USP20: variants seen among roughly 807,000 people sequenced by gnomAD.
USP20 encodes the protein ubiquitin specific peptidase 20, also known as ubiquitin carboxyl-terminal hydrolase 20.
In USP20, 80 loss-of-function variants were observed where a neutral mutation model predicts 124.2. The ratio of observed to expected loss-of-function variants is 0.64; its 90% CI spans 0.54 to 0.78. The LOEUF (loss-of-function observed/expected upper bound fraction) is 0.78, where lower values mean the gene tolerates loss of function less well. Among genes scored for constraint, USP20 ranks in the 30% least tolerant of loss-of-function variants. The pLI, the probability that USP20 is intolerant of heterozygous loss-of-function variation, is 0.00. For missense variants in USP20, 1,043 were observed against 1,244.4 expected (o/e 0.84, Z 2.44); for synonymous variants, 481 against 512.3 (o/e 0.94, Z 0.83).
chr9:129,845,454 A>G (rs1450075129), intron 1 of USP20, among the ~76,000 whole-genome samples: 1 of 152,160 alleles, frequency 6.6e-6, no homozygotes, highest in Non-Finnish European at 1.5e-5. Flanking sequence ...CAGGCAAAAG[A>G]AAAAGAAAGA....
In USP20 at chr9:129,861,007, C is replaced by G; in HGVS notation, c.401C>G (p.Ser134Ter). The change falls in exon 7 of 26, where the codon TCA becomes TGA. Residue 134 changes from serine (S) to a stop codon, truncating the protein, a stop_gained. Coordinates refer to ENST00000372429, the MANE Select transcript of USP20 (RefSeq NM_001110303.4). LOFTEE classifies it high-confidence loss of function. ...GTGGCTGATGAAGGAGAGTCTGAGT[C>G]AGAGGACGATGACCTGAAACCTCGA... ...IAVADEGESE[S>*]EDDDLKPRGL... The G allele has an allele frequency of 6.2e-7, 1 of 1,612,784 alleles. No homozygotes were observed. The highest frequency in any genetic ancestry group is 1.3e-5 in the African/African-American group (1 of 75,030).
intron 1 of USP20, among the ~76,000 whole-genome samples, chr9:129,842,734 C>T (rs558774270): frequency 2.6e-5 from 4 of 151,928 alleles, no homozygotes; most frequent in Non-Finnish European, 5.9e-5. Flanking sequence ...GCTGGGCTTA[C>T]AGGCATGTGC....
chr9:129,855,286 C>T (rs2033152237), intron 3 of USP20, among the ~76,000 whole-genome samples: 1 of 152,056 alleles, frequency 6.6e-6, no homozygotes, highest in Non-Finnish European at 1.5e-5. Flanking sequence ...AAAAAATTAG[C>T]CGGGCGAGGT....
Position 129,866,002 on chromosome 9 carries a change from T to C in USP20, c.690+621T>C, listed in dbSNP as rs189917336. Among the ~76,000 whole-genome samples, 172 of 152,336 alleles carry C rather than the reference T, an allele frequency of 1.1e-3. 1 individual carries two copies. The highest frequency in any genetic ancestry group is 2.0e-3 in the Non-Finnish European group (139 of 68,034). On this transcript the variant is annotated intron_variant, in intron 10 of 25. Coordinates refer to ENST00000372429, the MANE Select transcript of USP20 (RefSeq NM_001110303.4). ...GAACCCTTTTGAAACCAATCACATT[T>C]TTCTATTTTATAAAATAATGAGACC... is the stretch of plus-strand genomic sequence containing the variant.
In USP20 at chr9:129,880,154, C is replaced by T. The variant is rs1292836138; in HGVS notation, c.2626C>T (p.Leu876=). 4 of 1,613,820 alleles carry T rather than the reference C, an allele frequency of 2.5e-6. No homozygotes were observed. In the African/African-American group the frequency reaches 4.0e-5, roughly 16 times the overall value. Residue 876 remains leucine (L), a synonymous_variant, in exon 25 of 26, where the codon CTG becomes TTG. Transcript: ENST00000372429. ...GATTTCGGAGGAGACCTGGACCTAC[C>T]TGAACAGCCTGTATGGAGGTGGCCC... ...GQISEETWTY[L]NSLYGGGPEI... is the part of the protein sequence containing the mutation.
chr9:129,856,194 C>G (rs551839273), intron 3 of USP20, 113 bp from the exon 4 acceptor site: 79 of 1,053,118 alleles, frequency 7.5e-5, no homozygotes, highest in African/African-American at 7.4e-4. Flanking sequence ...AAGCTGAGAC[C>G]TTCTGAGTGC....
intron 25 of USP20, 24 bp downstream of exon 25, chr9:129,880,313 C>A: frequency 6.5e-7 from 1 of 1,540,470 alleles, no homozygotes; most frequent in East Asian, 2.4e-5. Context: ...GCTGGTCCCT[C>A]CATGGCACTC....
intron 2 of USP20, among the ~76,000 whole-genome samples, 170 bp downstream of exon 2, chr9:129,850,094 C>G (rs2032825018): frequency 6.6e-6 from 1 of 151,740 alleles, no homozygotes; most frequent in African/African-American, 2.4e-5. Flanking sequence ...CTGGGACTTG[C>G]TACAAAAGCA....
chr9:129,865,816 C>T (rs1476421173), intron 10 of USP20, among the ~76,000 whole-genome samples: 1 of 152,160 alleles, frequency 6.6e-6, no homozygotes, highest in Non-Finnish European at 1.5e-5. Context: ...AGGCATGAGC[C>T]ACTGCACCCG....
chr9:129,868,014 G>C lies in USP20; in HGVS notation c.700G>C (p.Glu234Gln). 1 of 1,613,092 alleles carries C rather than the reference G, an allele frequency of 6.2e-7. No homozygotes were observed. Among genetic ancestry groups the C allele is most frequent in the Non-Finnish European group, 8.5e-7 (1 of 1,179,414 alleles). The change falls in exon 11 of 26, where the codon GAG becomes CAG. Residue 234 changes from glutamate to glutamine, a missense_variant. Glu to Gln is a conservative substitution (Grantham distance 29, BLOSUM62 2). Transcript: ENST00000372429. ...FRGYAQQDTQEFLRCLMDQLH... is the reference protein window; with the variant it reads ...FRGYAQQDTQQFLRCLMDQLH... ...CAGCCCCTGGTTCTAGGACACCCAA[G>C]AGTTCCTTCGCTGCCTGATGGACCA...
intron 8 of USP20, 110 bp from the exon 9 acceptor site, chr9:129,863,076 C>A: frequency 2.7e-6 from 2 of 731,970 alleles, no homozygotes; most frequent in South Asian, 3.3e-5. Flanking sequence ...GGGTCCAGGG[C>A]CACTGTGCTC....
At chr9:129,855,447 A>T (rs1035060727) in intron 3 of USP20, among the ~76,000 whole-genome samples, 8 of 150,420 alleles carry the variant, frequency 5.3e-5, no homozygotes, top group East Asian at 2.0e-4. Context: ...AAAAAAAAAA[A>T]GAAGTTTCTT....
intron 15 of USP20, among the ~76,000 whole-genome samples, chr9:129,871,447 T>C (rs563354689): frequency 6.6e-6 from 1 of 152,334 alleles, no homozygotes; most frequent in African/African-American, 2.4e-5. Context: ...CTCAGGCCGC[T>C]TCCCTGTTAG....
intron 1 of USP20, among the ~76,000 whole-genome samples, chr9:129,838,866 A>G (rs1011107147): frequency 3.9e-5 from 6 of 152,206 alleles, no homozygotes; most frequent in Admixed American, 1.3e-4. Flanking sequence ...GCCTTCTCCA[A>G]TTAAGGGACT....
chr9:129,881,328 G>T lies in USP20; in HGVS notation c.*878G>T, dbSNP rs1216474892. The T allele has an allele frequency of 6.6e-6, 1 of 152,342 alleles. No homozygotes were observed. The highest frequency in any genetic ancestry group is 1.5e-5 in the Non-Finnish European group (1 of 68,122). 9.4% of individuals were successfully genotyped at this position (152,342 alleles called of 1,614,324 possible). A position where few individuals can be genotyped will look rare whatever the true frequency, so the allele number is the denominator to read the frequency against. On this transcript the variant is annotated 3_prime_UTR_variant, in exon 26 of 26. Transcript: ENST00000372429. Reference sequence around the variant, plus strand: ...CAGTGCAGAGCCCACCTGGAGGGATGTGGGGGCTGTGCAGGGTGCAGCGCT... The same window carrying T: ...CAGTGCAGAGCCCACCTGGAGGGATTTGGGGGCTGTGCAGGGTGCAGCGCT...
At chr9:129,851,405 T>C (rs1186251988) in intron 2 of USP20, among the ~76,000 whole-genome samples, 5 of 152,140 alleles carry the variant, frequency 3.3e-5, no homozygotes, top group African/African-American at 1.2e-4. Flanking sequence ...ACTACAGGCA[T>C]GCACCAGCAT....
chr9:129,858,475 G>T lies in USP20; in HGVS notation c.207G>T (p.Lys69Asn). ...DHSTIHAQAK[K>N]HNLTVNLTTF... ...TGGATATCACCCTCTAGGCAAAAAA[G>T]CACAACTTGACCGTGAACCTGACCA... is the stretch of plus-strand genomic sequence containing the variant. Residue 69 changes from lysine (K) to asparagine (N), a missense_variant, in exon 6 of 26, where the codon AAG becomes AAT. Physicochemically the swap from Lys to Asn is moderately conservative, Grantham distance 94. Transcript: ENST00000372429. 6.2e-7 allele frequency: 1 copy of T among 1,614,190 alleles called. No homozygotes were observed. The highest frequency in any genetic ancestry group is 8.5e-7 in the Non-Finnish European group (1 of 1,180,018).
chr9:129,860,781 A>C (rs1186362891), intron 6 of USP20, among the ~76,000 whole-genome samples, 156 bp from the exon 7 acceptor site: 1 of 152,226 alleles, frequency 6.6e-6, no homozygotes, highest in Non-Finnish European at 1.5e-5. Context: ...CACCAATCCT[A>C]TCTCTTTTCA....
rs1034944852 is a variant in USP20, at chr9:129,870,267, C to T, written c.1566-186C>T. 4.6e-5 allele frequency: 28 copies of T among 611,772 alleles called. No individual in the cohort carries two copies. In the Admixed American group the frequency reaches 7.2e-4, roughly 16 times the overall value. The allele number at this position is 611,772 out of a possible 1,614,324, so 37.9% of individuals were successfully genotyped here. ...GGCCAGGCTTGCGGAGAGATGATGT[C>T]ACTCGGCCCAGGACACGGACGTGTC... is the stretch of plus-strand genomic sequence containing the variant. On this transcript the variant is annotated intron_variant, in intron 14 of 25. Coordinates refer to ENST00000372429, the MANE Select transcript of USP20 (RefSeq NM_001110303.4).
Sources: allele counts gnomAD v4.1 joint callset (sites outside exome capture counted in the v4.1 genomes callset), GRCh38; gene constraint gnomAD v4.1.1; transcripts MANE v1.5; gene names NCBI Gene and HGNC (gene_info 2026-07-23, HGNC 2026-07-21).